The following BMP5 variants were observed in gnomAD, a reference collection of about 807,000 sequenced individuals.
BMP5 encodes the protein bone morphogenetic protein 5.
Under a neutral mutation model 46.6 loss-of-function variants are expected in BMP5, and 23 were observed. The ratio of observed to expected loss-of-function variants is 0.49; its 90% CI spans 0.35 to 0.70. The LOEUF is 0.70. Among genes scored for constraint, BMP5 ranks in the 30% least tolerant of loss-of-function variants. BMP5 has a pLI of 0.00. For synonymous variants in BMP5, 204 were observed against 191.9 expected (o/e 1.06, Z -0.52); for missense variants, 545 against 565.6 (o/e 0.96, Z 0.37).
chr6:55,797,154 C>T (rs1175963683), intron 2 of BMP5, among the ~76,000 whole-genome samples: 2 of 152,116 alleles, frequency 1.3e-5, no homozygotes, highest in Non-Finnish European at 2.9e-5. Flanking sequence ...CATATGGCCC[C>T]TTTCATAGCA....
At chr6:55,779,420 T>C (rs190004021) in intron 3 of BMP5, among the ~76,000 whole-genome samples, 100 of 152,178 alleles carry the variant, frequency 6.6e-4, no homozygotes, top group Middle Eastern at 3.4e-3. Flanking sequence ...GTGTATTATC[T>C]CCCATCCACA....
intron 1 of BMP5, among the ~76,000 whole-genome samples, chr6:55,860,049 G>A (rs1186832316): frequency 6.6e-6 from 1 of 152,178 alleles, no homozygotes; most frequent in Non-Finnish European, 1.5e-5. Context: ...GCTAAGACAG[G>A]CAAATCTCAC....
intron 1 of BMP5, among the ~76,000 whole-genome samples, chr6:55,846,276 A>C (rs569450004): frequency 2.0e-5 from 3 of 151,994 alleles, no homozygotes; most frequent in Admixed American, 2.0e-4. Flanking sequence ...CAAATACTAC[A>C]TGCAGATAGG....
At position 55,863,574 on chromosome 6, in the gene BMP5, T is replaced by A. The variant is rs183921019; in HGVS notation, c.490+10802A>T. Among the ~76,000 whole-genome samples, 10 of 152,300 alleles carry A rather than the reference T, an allele frequency of 6.6e-5. No individual in the cohort carries two copies. The East Asian group carries it at 1.9e-3, about 29-fold the overall frequency. On this transcript the variant is annotated intron_variant, in intron 1 of 6. Transcript: ENST00000370830. ...ATGGGAACTACATTTATTGTTGTTA[T>A]TATTCCTTTAATTATCACTGCTACA...
chr6:55,793,660 C>T (rs1245546734), intron 3 of BMP5, among the ~76,000 whole-genome samples: 1 of 152,182 alleles, frequency 6.6e-6, no homozygotes, highest in Non-Finnish European at 1.5e-5. Context: ...AGATTTCCCA[C>T]AGACCCTTCC....
intron 1 of BMP5, among the ~76,000 whole-genome samples, chr6:55,869,534 A>G (rs1044595853): frequency 3.9e-5 from 6 of 152,208 alleles, no homozygotes; most frequent in Non-Finnish European, 8.8e-5. Flanking sequence ...GATAATAAAC[A>G]CAAAAGCTTT....
At chr6:55,857,281 T>C (rs1466171913) in intron 1 of BMP5, among the ~76,000 whole-genome samples, 1 of 152,220 alleles carries the variant, frequency 6.6e-6, no homozygotes, top group African/African-American at 2.4e-5. Flanking sequence ...AAAACTATGC[T>C]ATGATACAGT....
intron 1 of BMP5, among the ~76,000 whole-genome samples, chr6:55,854,378 A>C (rs949602120): frequency 2.0e-5 from 3 of 152,086 alleles, no homozygotes; most frequent in Admixed American, 6.5e-5. Context: ...GATATTGATC[A>C]ATATTTTTTC....
At chr6:55,803,196 T>C (rs1489215540) in intron 2 of BMP5, among the ~76,000 whole-genome samples, 1 of 151,546 alleles carries the variant, frequency 6.6e-6, no homozygotes, top group African/African-American at 2.4e-5. Context: ...CTCGGGAGGC[T>C]GAGGCAGGAG....
In BMP5 at chr6:55,774,131, C is replaced by T; in HGVS notation, c.945G>A (p.Val315=). The T allele has an allele frequency of 6.2e-7, 1 of 1,613,170 alleles. No individual in the cohort carries two copies. Among genetic ancestry groups the T allele is most frequent in the Non-Finnish European group, 8.5e-7 (1 of 1,179,466 alleles). The change falls in exon 4 of 7, where the codon GTG becomes GTA. Residue 315 remains valine (V), a synonymous_variant. Transcript: ENST00000370830. ...FKASEVLLRS[V]RAANKRKNQN... ...GATTTTTTCGTTTGTTGGCTGCTCTCACGGATCGAAGAAGTACCTCACTCG... is the reference window on the plus strand; with the variant it reads ...GATTTTTTCGTTTGTTGGCTGCTCTTACGGATCGAAGAAGTACCTCACTCG...
At position 55,755,571 on chromosome 6, in the gene BMP5, A is replaced by AT. The variant is rs1774568718; in HGVS notation, c.1326dup (p.Tyr443IlefsTer2). On this transcript the variant is annotated frameshift_variant, in exon 7 of 7. Transcript: ENST00000370830. LOFTEE classifies it high-confidence loss of function. Reference sequence around the variant, plus strand: ...CATGAGCGTACTACCATATTTCTATATTTTTTCAAAATGACATTGGAGCTG... The same window carrying AT: ...CATGAGCGTACTACCATATTTCTATATTTTTTTCAAAATGACATTGGAGCTG... The AT allele has an allele frequency of 6.2e-7, 1 of 1,611,466 alleles. No individual in the cohort carries two copies. Among genetic ancestry groups the AT allele is most frequent in the Non-Finnish European group, 8.5e-7 (1 of 1,178,390 alleles).
intron 6 of BMP5, 123 bp downstream of exon 6, chr6:55,758,882 A>T: frequency 1.3e-6 from 1 of 773,084 alleles, no homozygotes; most frequent in Non-Finnish European, 2.2e-6. Context: ...TCTAAAAAGA[A>T]ACAAATGAGT....
At chr6:55,873,498 A>G (rs973153250) in intron 1 of BMP5, among the ~76,000 whole-genome samples, 4 of 151,950 alleles carry the variant, frequency 2.6e-5, no homozygotes, top group African/African-American at 9.7e-5. Flanking sequence ...TTATAAAATA[A>G]TTTGAAATTG....
chr6:55,843,530 A>G (rs1777017718), intron 1 of BMP5, among the ~76,000 whole-genome samples: 2 of 152,004 alleles, frequency 1.3e-5, no homozygotes, highest in African/African-American at 4.8e-5. Context: ...TGTGTTTCAT[A>G]TAGATTAAGC....
intron 2 of BMP5, among the ~76,000 whole-genome samples, chr6:55,804,396 C>T (rs1344261404): frequency 6.6e-6 from 1 of 152,152 alleles, no homozygotes; most frequent in African/African-American, 2.4e-5. Context: ...AAGCATCATC[C>T]TCTAGAGGTT....
chr6:55,848,213 A>G (rs1777145298), intron 1 of BMP5, among the ~76,000 whole-genome samples: 1 of 151,960 alleles, frequency 6.6e-6, no homozygotes, highest in Non-Finnish European at 1.5e-5. Context: ...ACCCTAATGT[A>G]TGAATAAATA....
At chr6:55,834,556 A>T (rs1776744131) in intron 1 of BMP5, among the ~76,000 whole-genome samples, 2 of 152,108 alleles carry the variant, frequency 1.3e-5, no homozygotes. Context: ...GCCAATATAC[A>T]TTCATTTAGA....
At chr6:55,866,506 C>G in intron 1 of BMP5, among the ~76,000 whole-genome samples, 1 of 152,144 alleles carries the variant, frequency 6.6e-6, no homozygotes, top group East Asian at 1.9e-4. Flanking sequence ...TTCAAAAAAG[C>G]TTTAACACAC....
chr6:55,855,918 A>C (rs1295261153), intron 1 of BMP5, among the ~76,000 whole-genome samples: 2 of 152,088 alleles, frequency 1.3e-5, no homozygotes, highest in Non-Finnish European at 2.9e-5. Flanking sequence ...TGCCTCTGTA[A>C]TTTGCTTTTA....
Sources: allele counts gnomAD v4.1 joint callset (sites outside exome capture counted in the v4.1 genomes callset), GRCh38; gene constraint gnomAD v4.1.1; transcripts MANE v1.5; gene names NCBI Gene and HGNC (gene_info 2026-07-23, HGNC 2026-07-21).